The following BRD7 variants were observed in gnomAD, a reference collection of about 807,000 sequenced individuals.
BRD7 encodes bromodomain containing 7.
In BRD7, 15 loss-of-function variants were observed where a neutral mutation model predicts 82.1. The observed-to-expected ratio is 0.18, with a 90% CI of 0.12 to 0.28. BRD7 has a LOEUF of 0.28. Among genes scored for constraint, BRD7 ranks in the 10% least tolerant of loss-of-function variants. The probability of loss-of-function intolerance (pLI) is 1.00; values close to 1 mark genes in which losing one functional copy is unlikely to be tolerated. For synonymous variants in BRD7, 232 were observed against 266.9 expected (o/e 0.87, Z 1.27); for missense variants, 638 against 779.9 (o/e 0.82, Z 2.17).
chr16:50,364,443 C>G (rs1035731940), intron 2 of BRD7, among the ~76,000 whole-genome samples: 1 of 152,188 alleles, frequency 6.6e-6, no homozygotes, highest in Non-Finnish European at 1.5e-5. Flanking sequence ...AAGAATGACC[C>G]AAACAGTCCC....
At chr16:50,342,975 T>A (rs770222533) in intron 5 of BRD7, among the ~76,000 whole-genome samples, 8 of 152,124 alleles carry the variant, frequency 5.3e-5, no homozygotes, top group Non-Finnish European at 1.2e-4. Context: ...CTATAATAGG[T>A]ATATATATTA....
chr16:50,359,870 T>C (rs1406491570), intron 2 of BRD7, among the ~76,000 whole-genome samples: 1 of 151,778 alleles, frequency 6.6e-6, no homozygotes, highest in East Asian at 1.9e-4. Flanking sequence ...GGGGTGGAGG[T>C]AGGTGTGTGG....
At chr16:50,356,106 T>C (rs2038720716) in intron 2 of BRD7, among the ~76,000 whole-genome samples, 1 of 152,222 alleles carries the variant, frequency 6.6e-6, no homozygotes, top group South Asian at 2.1e-4. Context: ...ATTTAAAAAC[T>C]AGAAGGCATT....
chr16:50,322,876 T>C (rs2037178127), intron 12 of BRD7, among the ~76,000 whole-genome samples: 1 of 152,250 alleles, frequency 6.6e-6, no homozygotes, highest in South Asian at 2.1e-4. Context: ...GCAGTCATCG[T>C]TGGGCCTGAC....
chr16:50,357,707 G>A (rs2038788989), intron 2 of BRD7, among the ~76,000 whole-genome samples: 3 of 152,204 alleles, frequency 2.0e-5, no homozygotes, highest in African/African-American at 2.4e-5. Flanking sequence ...TGGGCCAAGT[G>A]CAGTGGCTCG....
Position 50,333,601 on chromosome 16 carries a change from C to T in BRD7, c.984G>A (p.Lys328=). The T allele has an allele frequency of 6.2e-7, 1 of 1,611,988 alleles. No homozygotes were observed. Among genetic ancestry groups the T allele is most frequent in the South Asian group, 1.1e-5 (1 of 90,984 alleles). ...LDRIVKESGG[K]LTRRLVNSQC... is the part of the protein sequence containing the mutation. ...GACTGTTCACAAGCCGCCTGGTCAG[C>T]TTTCCTCCAGATTCCTTCACGATGC... The change falls in exon 8 of 17, where the codon AAG becomes AAA. Residue 328 remains lysine (K), a synonymous_variant. Coordinates refer to ENST00000394688, the MANE Select transcript of BRD7 (RefSeq NM_013263.5).
At position 50,318,077 on chromosome 16, in the gene BRD7, T is replaced by TAA. The variant is rs1385358676; in HGVS notation, c.*1132_*1133dup. The TAA allele has an allele frequency of 6.6e-6, 1 of 152,338 alleles. No individual in the cohort carries two copies. Among genetic ancestry groups the TAA allele is most frequent in the Admixed American group, 6.5e-5 (1 of 15,286 alleles). 9.4% of individuals were successfully genotyped at this position (152,338 alleles called of 1,614,324 possible). Reference sequence around the variant, plus strand: ...GTTTCAAAATGCTGTTTCATTTTTATAAAGTACCAGTGTTTAGCTGCTTTT... The same window carrying TAA: ...GTTTCAAAATGCTGTTTCATTTTTATAAAAAGTACCAGTGTTTAGCTGCTTTT... On this transcript the variant is annotated 3_prime_UTR_variant, in exon 17 of 17. Coordinates refer to ENST00000394688, the MANE Select transcript of BRD7 (RefSeq NM_013263.5).
In BRD7 at chr16:50,368,309, G is replaced by A. The variant is rs767753963; in HGVS notation, c.50-11C>T. On this transcript the variant is annotated splice_polypyrimidine_tract_variant and intron_variant, in intron 1 of 16. Transcript: ENST00000394688. The stretch of plus-strand genomic sequence containing the variant: ...GCTTCTCTACATACTCTTAAAAAAA[G>A]AAAAGAAAAGAAAGGAAAGCGCGTC... The A allele has an allele frequency of 5.4e-5, 86 of 1,596,656 alleles. 1 individual carries two copies. Among genetic ancestry groups the A allele is most frequent in the Middle Eastern group, 3.3e-4 (2 of 6,002 alleles).
Position 50,351,713 on chromosome 16 carries a change from T to C in BRD7, c.447-1546A>G, listed in dbSNP as rs143311136. Among the ~76,000 whole-genome samples the C allele has an allele frequency of 2.5e-3, 386 of 152,362 alleles. 3 individuals carry two copies. Among genetic ancestry groups the C allele is most frequent in the African/African-American group, 8.8e-3 (367 of 41,584 alleles). ...TAAGAAATACTTCCTGAAGTGTTTT[T>C]TCATTAAGACTTTGTTTCTAATTGA... On this transcript the variant is annotated intron_variant, in intron 4 of 16. Coordinates refer to ENST00000394688, the MANE Select transcript of BRD7 (RefSeq NM_013263.5).
chr16:50,364,235 A>C (rs2039050671), intron 2 of BRD7, among the ~76,000 whole-genome samples: 1 of 152,166 alleles, frequency 6.6e-6, no homozygotes, highest in African/African-American at 2.4e-5. Context: ...CATGGAACTG[A>C]GAGAAGAGTC....
chr16:50,339,013 C>T (rs1435513586), intron 6 of BRD7, among the ~76,000 whole-genome samples: 2 of 152,206 alleles, frequency 1.3e-5, no homozygotes, highest in Non-Finnish European at 2.9e-5. Flanking sequence ...TCAGCTTACC[C>T]TTCAAAGCCT....
rs777851021 is a variant in BRD7, at chr16:50,318,414, T to TATCTATC, written c.*796_*797insGATAGAT. The TATCTATC allele has an allele frequency of 3.3e-5, 5 of 152,166 alleles. No homozygotes were observed. The highest frequency in any genetic ancestry group is 7.4e-5 in the Non-Finnish European group (5 of 68,020). 9.4% of individuals were successfully genotyped at this position (152,166 alleles called of 1,614,324 possible). ...CACTGAACAAGGCTATCTATCTATC[T>TATCTATC]ATCTCCATCCTGATTTTTTTCCCTT... is the stretch of plus-strand genomic sequence containing the variant. On this transcript the variant is annotated 3_prime_UTR_variant, in exon 17 of 17. Coordinates refer to ENST00000394688, the MANE Select transcript of BRD7 (RefSeq NM_013263.5).
chr16:50,361,574 C>A (rs1443646324), intron 2 of BRD7, among the ~76,000 whole-genome samples: 3 of 152,184 alleles, frequency 2.0e-5, no homozygotes, highest in Non-Finnish European at 4.4e-5. Context: ...CTATGCAGGT[C>A]TCCTTACAGT....
intron 5 of BRD7, among the ~76,000 whole-genome samples, chr16:50,343,808 T>A (rs1315170215): frequency 6.6e-6 from 1 of 151,930 alleles, no homozygotes; most frequent in African/African-American, 2.4e-5. Context: ...ACCGGGAAGC[T>A]CGAACTGGGT....
intron 6 of BRD7, among the ~76,000 whole-genome samples, chr16:50,338,979 T>A (rs1443499436): frequency 6.6e-6 from 1 of 152,236 alleles, no homozygotes; most frequent in East Asian, 1.9e-4. Context: ...AGTTATTTTC[T>A]CCAGCGGATG....
At chr16:50,349,266 G>A (rs185013174) in intron 5 of BRD7, 2 of 217,252 alleles carry the variant, frequency 9.2e-6, no homozygotes, top group African/African-American at 2.4e-5. Flanking sequence ...GCATGGGGGA[G>A]GGGTAGCATT....
intron 7 of BRD7, 51 bp from the exon 8 acceptor site, chr16:50,333,748 T>C (rs1215659672): frequency 8.0e-6 from 11 of 1,382,066 alleles, no homozygotes; most frequent in Non-Finnish European, 1.1e-5. Flanking sequence ...ATAAGTAAGA[T>C]GAAAACATTC....
At chr16:50,335,592 T>A (rs932723554) in intron 6 of BRD7, among the ~76,000 whole-genome samples, 2 of 152,264 alleles carry the variant, frequency 1.3e-5, no homozygotes, top group African/African-American at 4.8e-5. Context: ...CTACCTTGCC[T>A]GTACTCTGAA....
chr16:50,327,027 T>TC, intron 9 of BRD7, among the ~76,000 whole-genome samples: 1 of 152,216 alleles, frequency 6.6e-6, no homozygotes, highest in South Asian at 2.1e-4. Flanking sequence ...TGTCACATGA[T>TC]CAGCCTTCAA....
Sources: allele counts gnomAD v4.1 joint callset (sites outside exome capture counted in the v4.1 genomes callset), GRCh38; gene constraint gnomAD v4.1.1; transcripts MANE v1.5; gene names NCBI Gene and HGNC (gene_info 2026-07-23, HGNC 2026-07-21).